SGCZ: variants seen among roughly 807,000 people sequenced by gnomAD.
SGCZ encodes zeta-sarcoglycan.
A neutral mutation model predicts 41.3 loss-of-function variants in SGCZ; 40 were observed. That is an observed-to-expected ratio of 0.97 (90% CI 0.75 to 1.26). SGCZ has a LOEUF of 1.26. Among genes scored for constraint, SGCZ ranks in the 50% most tolerant of loss-of-function variants. SGCZ has a pLI of 0.00. For synonymous variants in SGCZ, 206 were observed against 137.5 expected, an observed-to-expected ratio of 1.50 and a Z score of -3.49; for missense variants, 552 against 369.8, an observed-to-expected ratio of 1.49 and a Z score of -4.04.
chr8:14,784,913 A>AAAAAAAAAAAAAAAT (rs1408574493), intron 1 of SGCZ, among the ~76,000 whole-genome samples: 7 of 88,020 alleles, frequency 8.0e-5, no homozygotes, highest in Non-Finnish European at 1.1e-4. Flanking sequence ...AAAAAAAAAA[A>AAAAAAAAAAAAAAAT]ATATATATAT....
At chr8:14,256,032 A>G (rs1044811237) in intron 3 of SGCZ, among the ~76,000 whole-genome samples, 6 of 152,148 alleles carry the variant, frequency 3.9e-5, no homozygotes, top group Non-Finnish European at 7.4e-5. Flanking sequence ...ACTTTTTAGT[A>G]AAACTAAGTG....
chr8:14,558,983 T>C (rs185820589), intron 1 of SGCZ, among the ~76,000 whole-genome samples: 89 of 152,058 alleles, frequency 5.9e-4, no homozygotes, highest in Non-Finnish European at 2.5e-4. Context: ...CATACCTCAA[T>C]GTAATAAAAG....
At chr8:14,255,217 T>G (rs1799418822) in intron 3 of SGCZ, among the ~76,000 whole-genome samples, 1 of 152,194 alleles carries the variant, frequency 6.6e-6, no homozygotes, top group Non-Finnish European at 1.5e-5. Context: ...CTCCCAGGAA[T>G]CATTCCAGTC....
chr8:14,871,975 AC>A (rs1185291935), intron 1 of SGCZ, among the ~76,000 whole-genome samples: 4 of 151,872 alleles, frequency 2.6e-5, no homozygotes, highest in African/African-American at 9.7e-5. Context: ...ACACCATGGA[AC>A]ACTATGCAGC....
intron 1 of SGCZ, among the ~76,000 whole-genome samples, chr8:14,736,807 A>G (rs540805176): frequency 1.8e-4 from 28 of 152,248 alleles, no homozygotes; most frequent in African/African-American, 6.5e-4. Context: ...GCTATTAATT[A>G]GTTCTTTTTT....
intron 1 of SGCZ, among the ~76,000 whole-genome samples, chr8:14,597,926 C>A (rs957735062): frequency 6.6e-6 from 1 of 152,130 alleles, no homozygotes; most frequent in Non-Finnish European, 1.5e-5. Context: ...TTTGCTACAA[C>A]CATCTCAATA....
rs532204005 is a variant in SGCZ, at chr8:15,238,430, C to T, written c.-807G>A. ...CGCTTCTCTCTTCCCACAGCCAACA[C>T]TAAGGGGATTTCTCTCATCTGTCAA... is the stretch of plus-strand genomic sequence containing the variant. On this transcript the variant is annotated 5_prime_UTR_variant, in exon 1 of 8. It adds an upstream start codon to the 5' untranslated region. Transcript: ENST00000382080. The T allele has an allele frequency of 1.3e-5, 2 of 152,360 alleles. No individual in the cohort carries two copies. The highest frequency in any genetic ancestry group is 2.4e-5 in the African/African-American group (1 of 41,566). The allele number at this position is 152,360 out of a possible 1,614,324, so 9.4% of individuals were successfully genotyped here.
chr8:14,336,569 A>C lies in SGCZ; in HGVS notation c.235-12365T>G, dbSNP rs1389417705. 2.0e-5 allele frequency among the ~76,000 whole-genome samples: 3 copies of C among 152,266 alleles called. No homozygotes were observed. The South Asian group carries it at 6.2e-4, about 32-fold the overall frequency. On this transcript the variant is annotated intron_variant, in intron 2 of 7. Coordinates refer to ENST00000382080, the MANE Select transcript of SGCZ (RefSeq NM_139167.4). ...ACACTCCCATCAACAGTGTATAAGCATTCTCTTTTCTTTGCAACTTCGCCA... is the reference window on the plus strand; with the variant it reads ...ACACTCCCATCAACAGTGTATAAGCCTTCTCTTTTCTTTGCAACTTCGCCA...
chr8:14,899,617 A>C (rs1318294636), intron 1 of SGCZ, among the ~76,000 whole-genome samples: 1 of 152,160 alleles, frequency 6.6e-6, no homozygotes, highest in Non-Finnish European at 1.5e-5. Context: ...TCCAGGTTGT[A>C]AATTGCTGTG....
intron 5 of SGCZ, among the ~76,000 whole-genome samples, chr8:14,126,768 A>G (rs895478667): frequency 1.3e-5 from 2 of 152,216 alleles, no homozygotes; most frequent in Non-Finnish European, 2.9e-5. Flanking sequence ...GGTAAAGAAA[A>G]TGTGGTGCAT....
chr8:15,126,613 G>A (rs558867750), intron 1 of SGCZ, among the ~76,000 whole-genome samples: 1 of 152,310 alleles, frequency 6.6e-6, no homozygotes, highest in South Asian at 2.1e-4. Context: ...TTGCAATGGT[G>A]ACAATGGCCA....
intron 2 of SGCZ, among the ~76,000 whole-genome samples, chr8:14,516,107 T>A (rs575956191): frequency 3.1e-3 from 314 of 100,140 alleles, no homozygotes; most frequent in Middle Eastern, 6.3e-3. Flanking sequence ...ATGATGAAAC[T>A]TCTCTTTTTT....
At chr8:14,325,504 C>A (rs976941632) in intron 2 of SGCZ, among the ~76,000 whole-genome samples, 1 of 146,168 alleles carries the variant, frequency 6.8e-6, no homozygotes, top group Non-Finnish European at 1.5e-5. Context: ...TATATATAAT[C>A]ATAATCATAT....
chr8:15,009,030 T>C (rs1041965686), intron 1 of SGCZ, among the ~76,000 whole-genome samples: 2 of 152,150 alleles, frequency 1.3e-5, no homozygotes, highest in Admixed American at 6.5e-5. Flanking sequence ...AGCTATACAA[T>C]TGTCCCTCCT....
At chr8:15,011,497 G>C (rs1241194782) in intron 1 of SGCZ, among the ~76,000 whole-genome samples, 1 of 152,066 alleles carries the variant, frequency 6.6e-6, no homozygotes, top group Non-Finnish European at 1.5e-5. Context: ...TAAAAATCAA[G>C]AAATAATTTA....
chr8:14,934,723 A>C (rs1800029026), intron 1 of SGCZ, among the ~76,000 whole-genome samples: 1 of 151,736 alleles, frequency 6.6e-6, no homozygotes, highest in Non-Finnish European at 1.5e-5. Flanking sequence ...AAAGATATAA[A>C]TTTTTAAATT....
intron 3 of SGCZ, among the ~76,000 whole-genome samples, chr8:14,244,692 C>T (rs1799021658): frequency 6.6e-6 from 1 of 151,780 alleles, no homozygotes; most frequent in South Asian, 2.1e-4. Context: ...GCAGTATGGC[C>T]ATTTTCACGA....
intron 1 of SGCZ, among the ~76,000 whole-genome samples, chr8:14,572,839 A>C (rs1804595770): frequency 6.6e-6 from 1 of 152,172 alleles, no homozygotes; most frequent in Non-Finnish European, 1.5e-5. Context: ...CAGATTTTTA[A>C]ATCCAGGTCT....
intron 3 of SGCZ, among the ~76,000 whole-genome samples, chr8:14,293,006 A>T (rs1800891242): frequency 6.6e-6 from 1 of 152,010 alleles, no homozygotes; most frequent in Admixed American, 6.6e-5. Flanking sequence ...TATGGAGAAC[A>T]GAATGGTTTC....
Sources: allele counts gnomAD v4.1 joint callset (sites outside exome capture counted in the v4.1 genomes callset), GRCh38; gene constraint gnomAD v4.1.1; transcripts MANE v1.5; gene names NCBI Gene and HGNC (gene_info 2026-07-23, HGNC 2026-07-21).